FAM193A: variants seen among roughly 807,000 people sequenced by gnomAD.
FAM193A encodes the protein family with sequence similarity 193 member A.
FAM193A carries 22 observed loss-of-function variants against 126.5 expected under a neutral mutation model. The observed-to-expected ratio is 0.17, with a 90% CI of 0.12 to 0.25. FAM193A has a LOEUF of 0.25. FAM193A is among the 10% of genes least tolerant of loss of function. The pLI is 1.00. For synonymous variants in FAM193A, 761 were observed against 646.8 expected, an observed-to-expected ratio of 1.18 and a Z score of -2.68; for missense variants, 1,675 against 1,672.8, an observed-to-expected ratio of 1.00 and a Z score of -0.02.
At chr4:2,607,964 T>G in intron 2 of FAM193A, 1 of 1,525,842 alleles carries the variant, frequency 6.6e-7, no homozygotes, top group South Asian at 1.2e-5. Flanking sequence ...TTTTTAACCT[T>G]GAGATGCTAC....
chr4:2,666,781 G>A (rs1017087742), intron 12 of FAM193A, among the ~76,000 whole-genome samples: 2 of 152,200 alleles, frequency 1.3e-5, no homozygotes, highest in Non-Finnish European at 2.9e-5. Flanking sequence ...ATTGTCTAAT[G>A]TGTTGGCATA....
chr4:2,690,872 C>A lies in FAM193A; in HGVS notation c.2705C>A (p.Ala902Asp). The A allele has an allele frequency of 1.9e-6, 3 of 1,614,088 alleles. No homozygotes were observed. Among genetic ancestry groups the A allele is most frequent in the Non-Finnish European group, 2.5e-6 (3 of 1,179,936 alleles). ...ATGGAAGCAAATAAAGTTGTCATGG[C>A]CACGTCATCAGCCACGTCCTCTGTG... ...AFMEANKVVM[A>D]TSSATSSVSC... Residue 902 changes from alanine (A) to aspartate (D), a missense_variant, in exon 15 of 21, where the codon GCC (alanine) becomes GAC (aspartate). Coordinates refer to ENST00000637812, the MANE Select transcript of FAM193A (RefSeq NM_001366318.2).
At chr4:2,702,229 C>T (rs1276316628) in intron 19 of FAM193A, among the ~76,000 whole-genome samples, 2 of 152,172 alleles carry the variant, frequency 1.3e-5, no homozygotes, top group Non-Finnish European at 2.9e-5. Flanking sequence ...GAATCTTTTA[C>T]GAACACTCTT....
chr4:2,601,404 T>G (rs577752086), intron 2 of FAM193A, among the ~76,000 whole-genome samples: 1 of 151,924 alleles, frequency 6.6e-6, no homozygotes, highest in East Asian at 1.9e-4. Flanking sequence ...AGCTAATTTT[T>G]TTGTATTTTT....
chr4:2,642,006 G>T (rs1242853660), intron 6 of FAM193A, among the ~76,000 whole-genome samples: 1 of 151,132 alleles, frequency 6.6e-6, no homozygotes, highest in Non-Finnish European at 1.5e-5. Flanking sequence ...GGAGGTCGAG[G>T]CGGGCCAGGT....
At chr4:2,560,067 G>C (rs1189986603) in intron 1 of FAM193A, among the ~76,000 whole-genome samples, 1 of 151,586 alleles carries the variant, frequency 6.6e-6, no homozygotes, top group Non-Finnish European at 1.5e-5. Flanking sequence ...CAAGCCTGCC[G>C]AGTAGCTGGG....
At chr4:2,701,558 G>A (rs1286967563) in intron 19 of FAM193A, among the ~76,000 whole-genome samples, 3 of 152,128 alleles carry the variant, frequency 2.0e-5, no homozygotes, top group African/African-American at 4.8e-5. Flanking sequence ...CAGGAAGTGG[G>A]TGACGGTGTC....
At chr4:2,674,618 C>T (rs1396856176) in intron 13 of FAM193A, among the ~76,000 whole-genome samples, 2 of 152,066 alleles carry the variant, frequency 1.3e-5, no homozygotes, top group Non-Finnish European at 2.9e-5. Context: ...CACATTATGT[C>T]ATTGTAGTTG....
At chr4:2,724,425 A>T (rs1720504476) in intron 20 of FAM193A, among the ~76,000 whole-genome samples, 1 of 152,054 alleles carries the variant, frequency 6.6e-6, no homozygotes, top group Non-Finnish European at 1.5e-5. Flanking sequence ...ACTTTTTCTT[A>T]TGTATTTTAT....
chr4:2,665,911 A>G (rs972577129), intron 12 of FAM193A, among the ~76,000 whole-genome samples: 11 of 152,162 alleles, frequency 7.2e-5, no homozygotes, highest in Middle Eastern at 3.4e-3. Context: ...CAGTGGTGCT[A>G]TCTCGGCTCA....
chr4:2,609,957 C>A lies in FAM193A; in HGVS notation c.501+13628C>A, dbSNP rs143512367. On this transcript the variant is annotated intron_variant, in intron 2 of 20. Transcript: ENST00000637812. ...AAAAAAAAAGAGTTTGCTGGCTGGG[C>A]GCAGTGGCTCACTCCTGTAATCCCA... is the stretch of plus-strand genomic sequence containing the variant. 2.9e-3 allele frequency among the ~76,000 whole-genome samples: 431 copies of A among 149,192 alleles called. 1 individual carries two copies. The highest frequency in any genetic ancestry group is 0.01 in the African/African-American group (410 of 40,498).
chr4:2,563,503 A>G (rs944737942), intron 1 of FAM193A, among the ~76,000 whole-genome samples: 4 of 151,778 alleles, frequency 2.6e-5, no homozygotes, highest in African/African-American at 9.7e-5. Flanking sequence ...TCGGGAGTTC[A>G]AGACCAATCT....
At chr4:2,620,423 A>G (rs116415438) in intron 2 of FAM193A, among the ~76,000 whole-genome samples, 427 of 152,318 alleles carry the variant, frequency 2.8e-3, no homozygotes, top group African/African-American at 7.8e-3. Flanking sequence ...AGAACACAGT[A>G]GAACACCAGG....
intron 1 of FAM193A, among the ~76,000 whole-genome samples, chr4:2,579,359 TGTG>T (rs755489895): frequency 2.5e-4 from 37 of 149,800 alleles, no homozygotes; most frequent in Non-Finnish European, 4.7e-4. Context: ...ATTAGCCAGG[TGTG>T]GTGGTACGCG....
chr4:2,570,295 A>G (rs969831707), intron 1 of FAM193A, among the ~76,000 whole-genome samples: 2 of 152,072 alleles, frequency 1.3e-5, no homozygotes, highest in African/African-American at 4.8e-5. Flanking sequence ...GTGTGTTCAG[A>G]TATCTTCTGT....
chr4:2,710,167 T>G lies in FAM193A; in HGVS notation c.4373-5856T>G, dbSNP rs542639637. 4.1e-3 allele frequency among the ~76,000 whole-genome samples: 517 copies of G among 125,178 alleles called. 4 individuals are homozygous for G. The highest frequency in any genetic ancestry group is 0.018 in the African/African-American group (481 of 26,558). The allele number at this position is 125,178 out of a possible 152,430, so 82.1% of individuals were successfully genotyped here. ...GGTTTACTGTTCTTCTTTTGTTTTT[T>G]TTTTTTTTTCTTTTTTTTTTTTTTT... On this transcript the variant is annotated intron_variant, in intron 19 of 20. Coordinates refer to ENST00000637812, the MANE Select transcript of FAM193A (RefSeq NM_001366318.2).
intron 7 of FAM193A, among the ~76,000 whole-genome samples, chr4:2,651,828 C>T (rs777738946): frequency 2.6e-5 from 4 of 152,170 alleles, no homozygotes; most frequent in Non-Finnish European, 5.9e-5. Context: ...TGGCCTGAGT[C>T]GTCAAGAAGT....
At chr4:2,679,950 C>T (rs528339516) in intron 13 of FAM193A, among the ~76,000 whole-genome samples, 30 of 151,230 alleles carry the variant, frequency 2.0e-4, no homozygotes, top group Middle Eastern at 6.8e-3. Flanking sequence ...ACCTCCGCCT[C>T]TCAGATTCTA....
chr4:2,655,098 C>A (rs1328467937), intron 7 of FAM193A: 1 of 700,634 alleles, frequency 1.4e-6, no homozygotes, highest in Non-Finnish European at 2.6e-6. Context: ...GATACTGGCA[C>A]CCTTGTCCAG....
Sources: gnomAD v4.1 joint callset for allele counts (sites outside exome capture counted in the v4.1 genomes callset) on GRCh38, gnomAD v4.1.1 for gene constraint, MANE v1.5 for transcripts, NCBI Gene and HGNC (gene_info 2026-07-23, HGNC 2026-07-21) for gene names.